The following GRID1 variants were observed in gnomAD, a reference collection of about 807,000 sequenced individuals.
GRID1 encodes glutamate ionotropic receptor delta type subunit 1.
GRID1 carries 28 observed loss-of-function variants against 98.0 expected under a neutral mutation model. The observed-to-expected ratio is 0.29, with a 90% CI of 0.21 to 0.39. GRID1 has a LOEUF of 0.39. Ranked by LOEUF, GRID1 falls within the 10% of genes least tolerant of loss-of-function variation. The pLI, the probability that GRID1 is intolerant of heterozygous loss-of-function variation, is 1.00. For synonymous variants in GRID1, 553 were observed against 538.5 expected, an observed-to-expected ratio of 1.03 and a Z score of -0.37; for missense variants, 1,111 against 1,340.5, an observed-to-expected ratio of 0.83 and a Z score of 2.67.
intron 8 of GRID1, among the ~76,000 whole-genome samples, chr10:85,850,003 C>G (rs1385795512): frequency 1.3e-5 from 2 of 152,168 alleles, no homozygotes; most frequent in African/African-American, 4.8e-5. Flanking sequence ...ATCCAGGATG[C>G]AAGGCATAAA....
chr10:85,881,608 T>G (rs1841024190), intron 5 of GRID1, among the ~76,000 whole-genome samples: 2 of 152,192 alleles, frequency 1.3e-5, no homozygotes, highest in Non-Finnish European at 2.9e-5. Flanking sequence ...CCTTACACCT[T>G]ATACAAAAAT....
intron 8 of GRID1, among the ~76,000 whole-genome samples, chr10:85,796,876 A>T (rs979236054): frequency 6.6e-6 from 1 of 152,216 alleles, no homozygotes. Flanking sequence ...AACGTCATAA[A>T]AATATTTTCA....
intron 12 of GRID1, among the ~76,000 whole-genome samples, chr10:85,662,693 G>A (rs901344671): frequency 1.3e-5 from 2 of 152,206 alleles, no homozygotes; most frequent in African/African-American, 2.4e-5. Context: ...AGGGCCTAAT[G>A]GGTAATGTGG....
At chr10:86,323,489 T>G (rs1847998901) in intron 2 of GRID1, among the ~76,000 whole-genome samples, 1 of 152,164 alleles carries the variant, frequency 6.6e-6, no homozygotes, top group Non-Finnish European at 1.5e-5. Flanking sequence ...CTACTCAGCT[T>G]TTAGGAAGGA....
At chr10:85,849,963 G>C (rs1843042298) in intron 8 of GRID1, among the ~76,000 whole-genome samples, 1 of 152,144 alleles carries the variant, frequency 6.6e-6, no homozygotes, top group Non-Finnish European at 1.5e-5. Flanking sequence ...AAACAGCTGT[G>C]TTGTCTCACA....
chr10:85,763,680 A>G (rs1278387885), intron 8 of GRID1, among the ~76,000 whole-genome samples: 4 of 152,214 alleles, frequency 2.6e-5, no homozygotes, highest in African/African-American at 9.7e-5. Context: ...TATCCCTCCT[A>G]TTTTTAAGCA....
rs574833770 is a variant in GRID1, at chr10:85,649,008, G to A, written c.1998-1611C>T. Among the ~76,000 whole-genome samples, 8 of 152,370 alleles carry A rather than the reference G, an allele frequency of 5.3e-5. No individual in the cohort carries two copies. In the South Asian group the frequency reaches 1.7e-3, roughly 32 times the overall value. On this transcript the variant is annotated intron_variant, in intron 12 of 15. Transcript: ENST00000327946. ...AGTTTCCAAATATTTTAATAATGGA[G>A]ATAGAAGCAGAGCCTGTAGCAGAGG... is the stretch of plus-strand genomic sequence containing the variant.
At chr10:85,707,444 A>T (rs1590198611) in intron 12 of GRID1, among the ~76,000 whole-genome samples, 1 of 152,244 alleles carries the variant, frequency 6.6e-6, no homozygotes, top group East Asian at 1.9e-4. Flanking sequence ...AATGGCAATC[A>T]TTAAAAAGTC....
chr10:85,814,006 TTAAA>T (rs1291814026), intron 8 of GRID1, among the ~76,000 whole-genome samples: 1 of 151,544 alleles, frequency 6.6e-6, no homozygotes, highest in African/African-American at 2.4e-5. Flanking sequence ...TTTTAAAAAT[TTAAA>T]TAATTCAAAA....
chr10:85,696,870 A>G (rs1024546294), intron 12 of GRID1, among the ~76,000 whole-genome samples: 1 of 152,006 alleles, frequency 6.6e-6, no homozygotes, highest in Non-Finnish European at 1.5e-5. Context: ...ATTATTGATA[A>G]TATTTAGCTA....
At chr10:86,249,130 C>T (rs1257561204) in intron 2 of GRID1, among the ~76,000 whole-genome samples, 3 of 152,220 alleles carry the variant, frequency 2.0e-5, no homozygotes, top group Non-Finnish European at 4.4e-5. Context: ...ATACCTTCCC[C>T]TTCTGACAGC....
At chr10:85,809,163 T>A (rs1021147752) in intron 8 of GRID1, among the ~76,000 whole-genome samples, 2 of 152,008 alleles carry the variant, frequency 1.3e-5, no homozygotes, top group African/African-American at 4.8e-5. Context: ...AACCTATAAA[T>A]ATGTTTATAC....
intron 2 of GRID1, among the ~76,000 whole-genome samples, chr10:86,235,825 G>A (rs1309741152): frequency 6.6e-6 from 1 of 152,152 alleles, no homozygotes; most frequent in African/African-American, 2.4e-5. Context: ...CCAGTTTGAG[G>A]CCATCATACA....
At chr10:85,678,093 A>G (rs1284941606) in intron 12 of GRID1, among the ~76,000 whole-genome samples, 1 of 152,108 alleles carries the variant, frequency 6.6e-6, no homozygotes, top group African/African-American at 2.4e-5. Context: ...GCCCCCAACA[A>G]CCCTCAGACT....
At chr10:86,355,913 T>C (rs934507183) in intron 2 of GRID1, among the ~76,000 whole-genome samples, 3 of 152,102 alleles carry the variant, frequency 2.0e-5, no homozygotes, top group Admixed American at 1.3e-4. Flanking sequence ...TGGGAGTCTA[T>C]ATGAGGGACA....
chr10:85,972,165 T>A (rs1325706047), intron 4 of GRID1, among the ~76,000 whole-genome samples: 2 of 151,832 alleles, frequency 1.3e-5, no homozygotes, highest in African/African-American at 4.8e-5. Flanking sequence ...TTTCTTTTTT[T>A]TTTTTAACTG....
intron 4 of GRID1, among the ~76,000 whole-genome samples, chr10:85,926,369 C>G (rs780312895): frequency 1.3e-5 from 2 of 152,150 alleles, no homozygotes; most frequent in Non-Finnish European, 2.9e-5. Context: ...ATTGCAAATT[C>G]AGCAATAAAA....
At chr10:85,825,098 G>T (rs778638713) in intron 8 of GRID1, among the ~76,000 whole-genome samples, 13 of 152,164 alleles carry the variant, frequency 8.5e-5, no homozygotes, top group African/African-American at 3.1e-4. Flanking sequence ...TCTACTTTTA[G>T]TTTTTTGAGA....
intron 8 of GRID1, among the ~76,000 whole-genome samples, chr10:85,757,911 A>T (rs1842114148): frequency 6.6e-6 from 1 of 152,224 alleles, no homozygotes; most frequent in Admixed American, 6.5e-5. Context: ...ATTCTAAGGG[A>T]AGTGTAAGCT....
Sources: gnomAD v4.1 joint callset for allele counts (sites outside exome capture counted in the v4.1 genomes callset) on GRCh38, gnomAD v4.1.1 for gene constraint, MANE v1.5 for transcripts, NCBI Gene and HGNC (gene_info 2026-07-23, HGNC 2026-07-21) for gene names.